ZNF536: variants seen among roughly 807,000 people sequenced by gnomAD.
ZNF536 encodes the protein zinc finger protein 536.
In ZNF536, 13 loss-of-function variants were observed where a neutral mutation model predicts 84.5. The ratio of observed to expected loss-of-function variants is 0.15; its 90% CI spans 0.10 to 0.24. The LOEUF (loss-of-function observed/expected upper bound fraction) is 0.24, where lower values mean the gene tolerates loss of function less well. Ranked by LOEUF, ZNF536 falls within the 10% of genes least tolerant of loss-of-function variation. The probability of loss-of-function intolerance (pLI) is 1.00; values close to 1 mark genes in which losing one functional copy is unlikely to be tolerated. For synonymous variants in ZNF536, 811 were observed against 742.5 expected (o/e 1.09, Z -1.50); for missense variants, 1,536 against 1,747.5 (o/e 0.88, Z 2.16).
At chr19:30,244,753 G>A (rs748068317) in intron 1 of ZNF536, among the ~76,000 whole-genome samples, 2 of 152,158 alleles carry the variant, frequency 1.3e-5, no homozygotes, top group Non-Finnish European at 2.9e-5. Context: ...TTTGACCAGC[G>A]TCTGGCCAGG....
At chr19:30,240,335 T>G (rs536926319) in intron 1 of ZNF536, among the ~76,000 whole-genome samples, 1 of 151,526 alleles carries the variant, frequency 6.6e-6, no homozygotes, top group Non-Finnish European at 1.5e-5. Context: ...ATCGTGTCAC[T>G]ACACTCCAGC....
chr19:30,693,964 C>G (rs549484192), intron 1 of ZNF536, among the ~76,000 whole-genome samples: 1 of 152,312 alleles, frequency 6.6e-6, no homozygotes, highest in South Asian at 2.1e-4. Context: ...TTTTGGTGAG[C>G]TGCTCTGCAA....
intron 1 of ZNF536, among the ~76,000 whole-genome samples, chr19:30,566,154 C>T (rs116402956): frequency 2.0e-5 from 3 of 152,296 alleles, no homozygotes; most frequent in Admixed American, 6.5e-5. Flanking sequence ...CAGTCAGCCA[C>T]GGCTCCTAAC....
chr19:30,348,695 G>A (rs1811340395), intron 2 of ZNF536, among the ~76,000 whole-genome samples: 1 of 152,170 alleles, frequency 6.6e-6, no homozygotes, highest in Non-Finnish European at 1.5e-5. Context: ...CACAGAGCAG[G>A]GCAGGAGCTG....
At chr19:30,604,512 G>A (rs1224485203) in intron 1 of ZNF536, among the ~76,000 whole-genome samples, 5 of 152,142 alleles carry the variant, frequency 3.3e-5, no homozygotes. Flanking sequence ...GAAAGCTGTT[G>A]AGCTTTATGT....
At chr19:30,457,777 G>T (rs928215697) in intron 2 of ZNF536, among the ~76,000 whole-genome samples, 3 of 152,180 alleles carry the variant, frequency 2.0e-5, no homozygotes, top group African/African-American at 7.2e-5. Flanking sequence ...GGGAAGGAGG[G>T]CTCACATTTT....
chr19:30,267,622 T>G (rs1021264171), intron 1 of ZNF536, among the ~76,000 whole-genome samples: 1 of 152,172 alleles, frequency 6.6e-6, no homozygotes, highest in Admixed American at 6.5e-5. Flanking sequence ...CTGCCATTTG[T>G]GGCACACCCC....
intron 2 of ZNF536, among the ~76,000 whole-genome samples, chr19:30,294,678 C>G (rs1024693014): frequency 6.6e-6 from 1 of 152,044 alleles, no homozygotes; most frequent in Non-Finnish European, 1.5e-5. Context: ...GGCCAATGCC[C>G]CCATGAGTGG....
chr19:30,285,244 G>A (rs1219298935), intron 2 of ZNF536, among the ~76,000 whole-genome samples: 1 of 152,220 alleles, frequency 6.6e-6, no homozygotes, highest in Non-Finnish European at 1.5e-5. Flanking sequence ...TTTCAAAGCT[G>A]ATTTTTTCCC....
chr19:30,599,479 C>CTTCCTTCTTTCCTTCA (rs1458149295), intron 1 of ZNF536, among the ~76,000 whole-genome samples: 1 of 118,854 alleles, frequency 8.4e-6, no homozygotes, highest in East Asian at 2.8e-4. Flanking sequence ...TCCTTCCTTC[C>CTTCCTTCTTTCCTTCA]TTCCCTCCTT....
At chr19:30,655,535 C>T (rs534975410) in intron 1 of ZNF536, among the ~76,000 whole-genome samples, 1 of 152,200 alleles carries the variant, frequency 6.6e-6, no homozygotes, top group African/African-American at 2.4e-5. Context: ...GCCGTCAACT[C>T]AGAGAAATGG....
Position 30,509,124 on chromosome 19 carries a change from C to A in ZNF536, c.2171-25723C>A, listed in dbSNP as rs1263812828. 2.0e-5 allele frequency among the ~76,000 whole-genome samples: 3 copies of A among 151,346 alleles called. No individual in the cohort carries two copies. In the East Asian group the frequency reaches 5.8e-4, roughly 29 times the overall value. Reference sequence around the variant, plus strand: ...TGCTGGGATTACAGGCATGAGCCACCATGCCTGGCCTCAACTGTGATTTTA... The same window carrying A: ...TGCTGGGATTACAGGCATGAGCCACAATGCCTGGCCTCAACTGTGATTTTA... On this transcript the variant is annotated intron_variant, in intron 2 of 4. Transcript: ENST00000355537.
intron 1 of ZNF536, among the ~76,000 whole-genome samples, chr19:30,687,945 T>G (rs1257345221): frequency 6.6e-6 from 1 of 151,848 alleles, no homozygotes; most frequent in African/African-American, 2.4e-5. Context: ...ATTGATTTTA[T>G]TACGTGTAGA....
intron 1 of ZNF536, among the ~76,000 whole-genome samples, chr19:30,420,453 G>A (rs1425969083): frequency 6.6e-6 from 1 of 152,142 alleles, no homozygotes; most frequent in Non-Finnish European, 1.5e-5. Flanking sequence ...TCTATCCAAT[G>A]CAGTTTCTTC....
chr19:30,652,450 C>T lies in ZNF536; in HGVS notation c.170-58307C>T, dbSNP rs117093752. Reference sequence around the variant, plus strand: ...TCGTGAATGGAAGGGAAATGCCCCCCAAAGCTGTGTATTCTGTAATTATCG... The same window carrying T: ...TCGTGAATGGAAGGGAAATGCCCCCTAAAGCTGTGTATTCTGTAATTATCG... On this transcript the variant is annotated intron_variant, in intron 1 of 1. Transcript: ENST00000592773. Among the ~76,000 whole-genome samples the T allele has an allele frequency of 1.3e-4, 20 of 152,264 alleles. No individual in the cohort carries two copies. In the East Asian group the frequency reaches 3.9e-3, roughly 29 times the overall value.
At chr19:30,458,043 G>A (rs1244855473) in intron 2 of ZNF536, among the ~76,000 whole-genome samples, 1 of 152,170 alleles carries the variant, frequency 6.6e-6, no homozygotes, top group East Asian at 1.9e-4. Flanking sequence ...GAAGCAAAAC[G>A]TCATATACTT....
At chr19:30,485,603 CT>C (rs60352241) in intron 2 of ZNF536, among the ~76,000 whole-genome samples, 257 of 141,150 alleles carry the variant, frequency 1.8e-3, no homozygotes, top group Admixed American at 4.2e-3. Flanking sequence ...TTTTTTTCTT[CT>C]TTTTTTTTTT....
chr19:30,253,480 CTG>C (rs915083173), intron 1 of ZNF536, among the ~76,000 whole-genome samples: 16 of 152,218 alleles, frequency 1.1e-4, no homozygotes, highest in African/African-American at 3.9e-4. Flanking sequence ...GTCATCAGGG[CTG>C]TGTTGAGAGC....
intron 1 of ZNF536, among the ~76,000 whole-genome samples, chr19:30,430,839 T>G (rs1254944958): frequency 6.6e-6 from 1 of 152,166 alleles, no homozygotes; most frequent in African/African-American, 2.4e-5. Flanking sequence ...CATGCCTGGA[T>G]AATTTTTTGT....
Sources: gnomAD v4.1 joint callset for allele counts (sites outside exome capture counted in the v4.1 genomes callset) on GRCh38, gnomAD v4.1.1 for gene constraint, MANE v1.5 for transcripts, NCBI Gene and HGNC (gene_info 2026-07-23, HGNC 2026-07-21) for gene names.